The following RHOBTB3 variants were observed in gnomAD, a reference collection of about 807,000 sequenced individuals.
RHOBTB3 encodes Rho related BTB domain containing 3, also known as rho-related BTB domain-containing protein 3.
RHOBTB3 carries 47 observed loss-of-function variants against 67.2 expected under a neutral mutation model. The ratio of observed to expected loss-of-function variants is 0.70; its 90% CI spans 0.55 to 0.89. The LOEUF (loss-of-function observed/expected upper bound fraction) is 0.89, where lower values mean the gene tolerates loss of function less well. Ranked by LOEUF, RHOBTB3 falls within the 40% of genes least tolerant of loss-of-function variation. The pLI, the probability that RHOBTB3 is intolerant of heterozygous loss-of-function variation, is 0.00. For missense variants in RHOBTB3, 631 were observed against 750.0 expected (o/e 0.84, Z 1.85); for synonymous variants, 273 against 274.2 (o/e 1.00, Z 0.04).
intron 11 of RHOBTB3, chr5:95,789,497 TAG>T (rs1200744218): frequency 2.0e-5 from 3 of 152,222 alleles, no homozygotes; most frequent in Admixed American, 1.3e-4. Flanking sequence ...GTTGTCAGAA[TAG>T]ACAGTTTAGA....
chr5:95,736,773 GTAGT>G, intron 2 of RHOBTB3, 112 bp from the exon 3 acceptor site: 1 of 653,592 alleles, frequency 1.5e-6, no homozygotes, highest in South Asian at 2.4e-5. Context: ...TTAATTTCAA[GTAGT>G]TACTTATTTT....
chr5:95,745,876 T>G (rs1170205319), intron 3 of RHOBTB3, among the ~76,000 whole-genome samples: 1 of 152,078 alleles, frequency 6.6e-6, no homozygotes, highest in Non-Finnish European at 1.5e-5. Flanking sequence ...AGACTTCTAC[T>G]TGGAATCTTA....
intron 6 of RHOBTB3, 146 bp from the exon 7 acceptor site, chr5:95,763,362 A>G (rs1469354580): frequency 3.4e-6 from 2 of 585,264 alleles, no homozygotes; most frequent in East Asian, 5.8e-5. Flanking sequence ...GTACTGTTTA[A>G]ATGTTTTAGT....
At chr5:95,782,859 A>G (rs1294006267) in intron 9 of RHOBTB3, 1 of 150,030 alleles carries the variant, frequency 6.7e-6, no homozygotes, top group Non-Finnish European at 1.5e-5. Flanking sequence ...ATTTCATGTT[A>G]TGTTTATTTT....
chr5:95,748,503 T>A lies in RHOBTB3; in HGVS notation c.570+16T>A. The A allele has an allele frequency of 6.3e-7, 1 of 1,599,006 alleles. No homozygotes were observed. Among genetic ancestry groups the A allele is most frequent in the Non-Finnish European group, 8.5e-7 (1 of 1,170,568 alleles). On this transcript the variant is annotated intron_variant, in intron 4 of 11. Transcript: ENST00000379982. The stretch of plus-strand genomic sequence containing the variant: ...TGGAGGAGTGGTAAGTGGAAATTCC[T>A]GTTAAGTATAAAGTTATTTGTCAGG...
chr5:95,790,526 T>C (rs1746351302), intron 11 of RHOBTB3, among the ~76,000 whole-genome samples: 1 of 152,224 alleles, frequency 6.6e-6, no homozygotes, highest in African/African-American at 2.4e-5. Flanking sequence ...TATATGGTAT[T>C]ACCCAATTAC....
At chr5:95,731,718 C>CTCCAGCG (rs755903587) in intron 1 of RHOBTB3, 34 bp downstream of exon 1, 26 of 1,612,918 alleles carry the variant, frequency 1.6e-5, no homozygotes, top group Non-Finnish European at 1.9e-5. Flanking sequence ...CATTGTCTCT[C>CTCCAGCG]TCCAGCGCGT....
Position 95,794,688 on chromosome 5 carries a change from T to A in RHOBTB3, c.*1514T>A, listed in dbSNP as rs1013297488. 2 of 152,264 alleles carry A rather than the reference T, an allele frequency of 1.3e-5. No homozygotes were observed. Among genetic ancestry groups the A allele is most frequent in the Non-Finnish European group, 2.9e-5 (2 of 68,074 alleles). The allele number at this position is 152,264 out of a possible 1,614,324, so 9.4% of individuals were successfully genotyped here. ...TACTGGAATATATTTTTCTTTTAAT[T>A]TCCAGTGACTTTAGAATACACACAG... is the stretch of plus-strand genomic sequence containing the variant. On this transcript the variant is annotated 3_prime_UTR_variant, in exon 12 of 12. Transcript: ENST00000379982.
rs149141930 is a variant in RHOBTB3 at position 95,739,945 on chromosome 5, T to C, written c.415+2870T>C. Reference sequence around the variant, plus strand: ...CTTCATATGATAACCACTGATAGGTTATGGCTGTGTCCCCACACAAATCTC... The same window carrying C: ...CTTCATATGATAACCACTGATAGGTCATGGCTGTGTCCCCACACAAATCTC... On this transcript the variant is annotated intron_variant, in intron 3 of 11. Transcript: ENST00000379982. Among the ~76,000 whole-genome samples the C allele has an allele frequency of 2.6e-5, 4 of 152,304 alleles. No individual in the cohort carries two copies. In the East Asian group the frequency reaches 7.7e-4, roughly 29 times the overall value.
rs188963096 is a variant in RHOBTB3, at chr5:95,795,999, T to C, written c.*2825T>C. The C allele has an allele frequency of 6.6e-6, 1 of 152,340 alleles. No individual in the cohort carries two copies. The highest frequency in any genetic ancestry group is 1.9e-4 in the East Asian group (1 of 5,188). 9.4% of individuals were successfully genotyped at this position (152,340 alleles called of 1,614,324 possible). ...ATTTCTGACTGCTCACTGTTCATATTATAGGGGACCAGATTTGTAATATAG... is the reference window on the plus strand; with the variant it reads ...ATTTCTGACTGCTCACTGTTCATATCATAGGGGACCAGATTTGTAATATAG... On this transcript the variant is annotated 3_prime_UTR_variant, in exon 12 of 12. Coordinates refer to ENST00000379982, the MANE Select transcript of RHOBTB3 (RefSeq NM_014899.4).
chr5:95,720,742 G>A (rs1012365180), intron 1 of RHOBTB3, among the ~76,000 whole-genome samples: 6 of 151,914 alleles, frequency 3.9e-5, no homozygotes, highest in East Asian at 1.9e-4. Flanking sequence ...AGATAGACTC[G>A]TAGACTTTTC....
chr5:95,775,865 C>T (rs1207156746), intron 8 of RHOBTB3, among the ~76,000 whole-genome samples: 2 of 151,930 alleles, frequency 1.3e-5, no homozygotes, highest in Admixed American at 1.3e-4. Context: ...AAGACAGACC[C>T]TCAAAGTAAG....
rs1746520203 is a variant in RHOBTB3 at position 95,794,728 on chromosome 5, CA to C, written c.*1559del. 1 of 152,112 alleles carries C rather than the reference CA, an allele frequency of 6.6e-6. No individual in the cohort carries two copies. The highest frequency in any genetic ancestry group is 6.5e-5 in the Admixed American group (1 of 15,270). The allele number at this position is 152,112 out of a possible 1,614,324, so 9.4% of individuals were successfully genotyped here. A position where few individuals can be genotyped will look rare whatever the true frequency, so the allele number is the denominator to read the frequency against. On this transcript the variant is annotated 3_prime_UTR_variant, in exon 12 of 12. Coordinates refer to ENST00000379982, the MANE Select transcript of RHOBTB3 (RefSeq NM_014899.4). ...AATACACACAGTTTTTCCGACTTTTCAAAAATTTGATTAAATGGTTTTATAG... is the reference window on the plus strand; with the variant it reads ...AATACACACAGTTTTTCCGACTTTTCAAAATTTGATTAAATGGTTTTATAG...
At chr5:95,727,520 T>G (rs1185738839), upstream of RHOBTB3, among the ~76,000 whole-genome samples, 2 of 152,158 alleles carry the variant, frequency 1.3e-5, no homozygotes, top group Non-Finnish European at 2.9e-5. Flanking sequence ...TATGAAATGG[T>G]GGCATTTCAG....
chr5:95,761,739 C>G (rs1330574261), intron 6 of RHOBTB3, among the ~76,000 whole-genome samples: 1 of 152,170 alleles, frequency 6.6e-6, no homozygotes, highest in East Asian at 1.9e-4. Flanking sequence ...TAAAAGATCT[C>G]AGGTATTTAT....
Position 95,731,845 on chromosome 5 carries a change from C to T in RHOBTB3, c.3-14C>T, listed in dbSNP as rs202067879. On this transcript the variant is annotated splice_polypyrimidine_tract_variant and intron_variant, in intron 1 of 11. Transcript: ENST00000379982. ...CGTGCTTCCCTTCTCCCCTCGCCCC[C>T]TCTGTCCGTGCAGGTCCATCCACAT... is the stretch of plus-strand genomic sequence containing the variant. The T allele has an allele frequency of 1.7e-3, 2,769 of 1,608,482 alleles. 5 individuals carry two copies. Among genetic ancestry groups the T allele is most frequent in the Non-Finnish European group, 2.2e-3 (2,634 of 1,175,882 alleles).
chr5:95,778,999 T>A (rs1745973130), intron 8 of RHOBTB3, among the ~76,000 whole-genome samples: 1 of 152,228 alleles, frequency 6.6e-6, no homozygotes, highest in Non-Finnish European at 1.5e-5. Flanking sequence ...TGCCTATAGA[T>A]CCTGAGTGAT....
chr5:95,737,771 G>A lies in RHOBTB3; in HGVS notation c.415+696G>A, dbSNP rs184305009. Among the ~76,000 whole-genome samples, 319 of 152,308 alleles carry A rather than the reference G, an allele frequency of 2.1e-3. 2 individuals are homozygous for A. The highest frequency in any genetic ancestry group is 7.6e-3 in the African/African-American group (315 of 41,554). On this transcript the variant is annotated intron_variant, in intron 3 of 11. Coordinates refer to ENST00000379982, the MANE Select transcript of RHOBTB3 (RefSeq NM_014899.4). ...GGACATAAGGTTTACTGATCTTAGA[G>A]TGCAGCTAAATGCATTTTTACCTAT... is the stretch of plus-strand genomic sequence containing the variant.
intron 9 of RHOBTB3, chr5:95,782,016 C>T (rs1746063002): frequency 6.6e-6 from 1 of 152,148 alleles, no homozygotes; most frequent in African/African-American, 2.4e-5. Flanking sequence ...TCCTCTCACT[C>T]AAGTAATTGA....
Sources: allele counts gnomAD v4.1 joint callset (sites outside exome capture counted in the v4.1 genomes callset), GRCh38; gene constraint gnomAD v4.1.1; transcripts MANE v1.5; gene names NCBI Gene and HGNC (gene_info 2026-07-23, HGNC 2026-07-21).